Variants in TMEM163 observed in about 807,000 individuals in gnomAD.
TMEM163 encodes the protein transmembrane protein 163.
TMEM163 carries 17 observed loss-of-function variants against 29.3 expected under a neutral mutation model. The observed-to-expected ratio is 0.58, with a 90% confidence interval of 0.40 to 0.87. The LOEUF is 0.87. TMEM163 is among the 40% of genes least tolerant of loss of function. The pLI is 0.00. For missense variants in TMEM163, 303 were observed against 381.5 expected, an observed-to-expected ratio of 0.79 and a Z score of 1.71; for synonymous variants, 157 against 160.6, an observed-to-expected ratio of 0.98 and a Z score of 0.17.
chr2:134,559,268 C>T (rs970163491), intron 2 of TMEM163, among the ~76,000 whole-genome samples: 1 of 152,104 alleles, frequency 6.6e-6, no homozygotes, highest in Non-Finnish European at 1.5e-5. Context: ...TAGTTGGCCC[C>T]GTAAGGCTTG....
At chr2:134,599,538 A>T (rs1682175730) in intron 2 of TMEM163, among the ~76,000 whole-genome samples, 1 of 152,134 alleles carries the variant, frequency 6.6e-6, no homozygotes, top group Non-Finnish European at 1.5e-5. Context: ...GTACACCCTC[A>T]TCTAGGACTT....
At chr2:134,702,676 A>T (rs1361802394) in intron 2 of TMEM163, among the ~76,000 whole-genome samples, 2 of 135,072 alleles carry the variant, frequency 1.5e-5, no homozygotes, top group Middle Eastern at 3.5e-3. Flanking sequence ...AATTAAAAAT[A>T]AAAAAAATTT....
At chr2:134,598,753 C>A (rs1682151109) in intron 2 of TMEM163, among the ~76,000 whole-genome samples, 1 of 151,644 alleles carries the variant, frequency 6.6e-6, no homozygotes, top group Non-Finnish European at 1.5e-5. Flanking sequence ...CCCGTCTCTA[C>A]TAAAAAAATA....
chr2:134,519,385 A>G (rs1680143644), intron 4 of TMEM163, among the ~76,000 whole-genome samples: 2 of 152,150 alleles, frequency 1.3e-5, no homozygotes, highest in African/African-American at 4.8e-5. Flanking sequence ...AGCAGAGTGG[A>G]CAAAGGTGGC....
At chr2:134,594,875 C>CTACT (rs1682030840) in intron 2 of TMEM163, among the ~76,000 whole-genome samples, 1 of 149,112 alleles carries the variant, frequency 6.7e-6, no homozygotes, top group Non-Finnish European at 1.5e-5. Context: ...CTCTCTCTCT[C>CTACT]TCTCTCTACT....
At chr2:134,600,141 A>G (rs1283912430) in intron 2 of TMEM163, among the ~76,000 whole-genome samples, 1 of 152,246 alleles carries the variant, frequency 6.6e-6, no homozygotes, top group African/African-American at 2.4e-5. Flanking sequence ...GAATGACTAC[A>G]TAACTAAATG....
chr2:134,508,166 C>T (rs370253111), intron 4 of TMEM163, among the ~76,000 whole-genome samples: 2 of 152,270 alleles, frequency 1.3e-5, no homozygotes, highest in African/African-American at 4.8e-5. Flanking sequence ...ATTAAAATTG[C>T]CTGAGTCCTA....
chr2:134,483,992 A>G (rs1679260220), intron 5 of TMEM163, among the ~76,000 whole-genome samples: 1 of 152,212 alleles, frequency 6.6e-6, no homozygotes, highest in African/African-American at 2.4e-5. Context: ...ATACAAAAAA[A>G]TTAGCTGGGT....
At chr2:134,511,768 A>G (rs1412815450) in intron 4 of TMEM163, among the ~76,000 whole-genome samples, 3 of 152,188 alleles carry the variant, frequency 2.0e-5, no homozygotes, top group Non-Finnish European at 4.4e-5. Context: ...ACATCTAAAA[A>G]CCTTGCTACT....
At chr2:134,501,256 G>T (rs1253199400) in intron 5 of TMEM163, among the ~76,000 whole-genome samples, 1 of 152,200 alleles carries the variant, frequency 6.6e-6, no homozygotes, top group African/African-American at 2.4e-5. Context: ...CCCAGGTGAG[G>T]CTGGGTGTTG....
At chr2:134,488,093 A>C (rs1679350207) in intron 5 of TMEM163, among the ~76,000 whole-genome samples, 1 of 152,260 alleles carries the variant, frequency 6.6e-6, no homozygotes. Context: ...CAATATTAAA[A>C]GAAAAACTAA....
rs1686440756 is a variant in TMEM163, at chr2:134,458,029, T to C, written c.809+3A>G. The C allele has an allele frequency of 6.2e-7, 1 of 1,614,134 alleles. No individual in the cohort carries two copies. On this transcript the variant is annotated splice_donor_region_variant and intron_variant, in intron 7 of 7. Coordinates refer to ENST00000281924, the MANE Select transcript of TMEM163 (RefSeq NM_030923.5). ...AAGCAAACAGGAAAGCACAAGAACC[T>C]ACTTGACCCCATAGGCAAATATGGT...
chr2:134,638,656 A>G (rs1318807002), intron 2 of TMEM163, among the ~76,000 whole-genome samples: 1 of 152,170 alleles, frequency 6.6e-6, no homozygotes, highest in Non-Finnish European at 1.5e-5. Context: ...GGAAAAATTA[A>G]TTGTTAGTGC....
At chr2:134,712,885 A>G (rs978402118) in intron 2 of TMEM163, among the ~76,000 whole-genome samples, 1 of 152,162 alleles carries the variant, frequency 6.6e-6, no homozygotes, top group African/African-American at 2.4e-5. Context: ...TATGTGTCAC[A>G]TGTCAGCCCA....
rs545646504 is a variant in TMEM163 at position 134,456,333 on chromosome 2, A to C, written c.*383T>G. 2 of 184,138 alleles carry C rather than the reference A, an allele frequency of 1.1e-5. No individual in the cohort carries two copies. Among genetic ancestry groups the C allele is most frequent in the African/African-American group, 2.3e-5 (1 of 42,692 alleles). The allele number at this position is 184,138 out of a possible 1,614,324, so 11.4% of individuals were successfully genotyped here. A position where few individuals can be genotyped will look rare whatever the true frequency, so the allele number is the denominator to read the frequency against. On this transcript the variant is annotated 3_prime_UTR_variant, in exon 8 of 8. Coordinates refer to ENST00000281924, the MANE Select transcript of TMEM163 (RefSeq NM_030923.5). ...AGGAAAGGAGAGACTTGGAACCAGG[A>C]GTGGCAGGGCCACCCAAGCTGGAGG...
chr2:134,593,921 A>G (rs1682000287), intron 2 of TMEM163, among the ~76,000 whole-genome samples: 1 of 151,896 alleles, frequency 6.6e-6, no homozygotes. Context: ...GCCTTCCTGG[A>G]GCATTCCTGC....
At chr2:134,688,619 TG>T (rs1417961446) in intron 2 of TMEM163, among the ~76,000 whole-genome samples, 4 of 152,362 alleles carry the variant, frequency 2.6e-5, no homozygotes, top group East Asian at 1.9e-4. Context: ...ATCCCTCAGC[TG>T]TAACTATTTC....
chr2:134,516,686 CAT>C (rs1558930282), intron 4 of TMEM163, among the ~76,000 whole-genome samples: 144 of 134,404 alleles, frequency 1.1e-3, no homozygotes, highest in African/African-American at 3.7e-3. Flanking sequence ...TACATATATG[CAT>C]ATATATGCAT....
intron 2 of TMEM163, among the ~76,000 whole-genome samples, chr2:134,659,077 T>C (rs1378246487): frequency 6.6e-6 from 1 of 152,238 alleles, no homozygotes; most frequent in Non-Finnish European, 1.5e-5. Context: ...ACCTAGACTA[T>C]GTGGTATGGC....
Sources: gnomAD v4.1 joint callset for allele counts (sites outside exome capture counted in the v4.1 genomes callset) on GRCh38, gnomAD v4.1.1 for gene constraint, MANE v1.5 for transcripts, NCBI Gene and HGNC (gene_info 2026-07-23, HGNC 2026-07-21) for gene names.